Variants in ZNF18 observed in about 807,000 individuals in gnomAD.
ZNF18 encodes heart development-specific gene 1 protein.
ZNF18 carries 42 observed loss-of-function variants against 58.1 expected under a neutral mutation model. The observed-to-expected ratio is 0.72, with a 90% confidence interval of 0.56 to 0.93. The LOEUF (loss-of-function observed/expected upper bound fraction) is 0.93. ZNF18 is among the 40% of genes least tolerant of loss of function. The probability of loss-of-function intolerance (pLI) is 0.00; values close to 1 mark genes in which losing one functional copy is unlikely to be tolerated. For synonymous variants in ZNF18, 231 were observed against 239.8 expected, an observed-to-expected ratio of 0.96 and a Z score of 0.34; for missense variants, 540 against 644.2, an observed-to-expected ratio of 0.84 and a Z score of 1.75.
the ZNF18 span, among the ~76,000 whole-genome samples, chr17:12,008,504 C>T: frequency 6.6e-6 from 1 of 152,136 alleles, no homozygotes; most frequent in African/African-American, 2.4e-5. Flanking sequence ...CCAGCTTTGA[C>T]CATCCCTTTA....
In ZNF18 at chr17:11,984,201, G is replaced by GAA. The variant is rs34299203; in HGVS notation, c.667-6_667-5dup. 2.0e-4 allele frequency: 289 copies of GAA among 1,475,440 alleles called. No individual in the cohort carries two copies. Among genetic ancestry groups the GAA allele is most frequent in the South Asian group, 4.6e-4 (37 of 79,646 alleles). 91.4% of individuals were successfully genotyped at this position (1,475,440 alleles called of 1,614,324 possible). A position where few individuals can be genotyped will look rare whatever the true frequency, so the allele number is the denominator to read the frequency against. ...AATCCAGTTGTCTCCACTGTTCCTG[G>GAA]AAAAAAAAAAAAAAAAGCAATACAA... On this transcript the variant is annotated splice_region_variant and splice_polypyrimidine_tract_variant and intron_variant, in intron 4 of 6. Coordinates refer to ENST00000580306, the MANE Select transcript of ZNF18 (RefSeq NM_001303281.2).
intron 4 of ZNF18, among the ~76,000 whole-genome samples, chr17:11,988,991 T>C (rs917312565): frequency 1.3e-5 from 2 of 151,940 alleles, no homozygotes; most frequent in Non-Finnish European, 2.9e-5. Flanking sequence ...AAACCCCATC[T>C]CTACTAAAAA....
At chr17:12,013,156 T>C in the ZNF18 span, among the ~76,000 whole-genome samples, 20 of 152,134 alleles carry the variant, frequency 1.3e-4, no homozygotes, top group African/African-American at 4.6e-4. Context: ...TTCACCGTGT[T>C]AGCTGGGAGG....
At chr17:12,021,365 G>C in the ZNF18 span, 2 of 156,212 alleles carry the variant, frequency 1.3e-5, no homozygotes, top group South Asian at 2.0e-4. Flanking sequence ...GCGCCGGCTC[G>C]GGGCTGCGGC....
At chr17:12,021,005 A>G in the ZNF18 span, 1 of 1,207,960 alleles carries the variant, frequency 8.3e-7, no homozygotes, top group South Asian at 4.1e-5. Context: ...ATGCAGGGTA[A>G]GGAACGCGGC....
the ZNF18 span, among the ~76,000 whole-genome samples, chr17:12,008,168 T>G: frequency 6.6e-6 from 1 of 152,208 alleles, no homozygotes; most frequent in Non-Finnish European, 1.5e-5. Context: ...TGCATTCATT[T>G]AAGCTTACAG....
At position 11,992,689 on chromosome 17, in the gene ZNF18, G is replaced by C; in HGVS notation, c.141C>G (p.Phe47Leu). 6.2e-7 allele frequency: 1 copy of C among 1,614,242 alleles called. No homozygotes were observed. Residue 47 changes from phenylalanine to leucine, a missense_variant, in exon 2 of 7, where the codon TTC (phenylalanine) becomes TTG (leucine). Phe to Leu is a conservative substitution (Grantham distance 22, BLOSUM62 0). Coordinates refer to ENST00000580306, the MANE Select transcript of ZNF18 (RefSeq NM_001303281.2). Reference protein sequence around the residue: ...PETARQLFRQFRYQVMSGPHE... With the variant: ...PETARQLFRQLRYQVMSGPHE... Reference sequence around the variant, plus strand: ...GAGGCCCAGACATCACCTGGTAACGGAACTGCCTGAAAAGCTGGCGTGCGG... The same window carrying C: ...GAGGCCCAGACATCACCTGGTAACGCAACTGCCTGAAAAGCTGGCGTGCGG...
At chr17:11,993,298 A>T (rs1968252253) in intron 1 of ZNF18, among the ~76,000 whole-genome samples, 1 of 152,188 alleles carries the variant, frequency 6.6e-6, no homozygotes, top group African/African-American at 2.4e-5. Flanking sequence ...AAAAGATATT[A>T]ATGCCCTAGG....
upstream of ZNF18, among the ~76,000 whole-genome samples, chr17:11,998,048 C>G (rs1370917646): frequency 7.8e-6 from 1 of 128,932 alleles, no homozygotes; most frequent in Non-Finnish European, 1.7e-5. Flanking sequence ...ACCTGCGTCT[C>G]TCTCTCTTCT....
the ZNF18 span, chr17:12,021,330 C>T: frequency 5.9e-6 from 1 of 169,678 alleles, no homozygotes; most frequent in African/African-American, 2.4e-5. Flanking sequence ...TACCTGGCGC[C>T]CGCCCGGCCC....
chr17:12,020,372 G>A, the ZNF18 span, among the ~76,000 whole-genome samples: 1 of 152,278 alleles, frequency 6.6e-6, no homozygotes, highest in African/African-American at 2.4e-5. Flanking sequence ...AAGTGTAGAG[G>A]GTTGGGGTAT....
chr17:12,002,924 G>A, the ZNF18 span, among the ~76,000 whole-genome samples: 1 of 152,090 alleles, frequency 6.6e-6, no homozygotes, highest in Non-Finnish European at 1.5e-5. Context: ...ACAAGGAAGG[G>A]AGACCAGAAC....
At chr17:12,004,448 C>T in the ZNF18 span, among the ~76,000 whole-genome samples, 1 of 152,084 alleles carries the variant, frequency 6.6e-6, no homozygotes, top group African/African-American at 2.4e-5. Flanking sequence ...ATAATGCAGG[C>T]ACATGTAAAC....
the ZNF18 span, among the ~76,000 whole-genome samples, chr17:12,018,678 G>T: frequency 6.6e-6 from 1 of 152,262 alleles, no homozygotes; most frequent in South Asian, 2.1e-4. Context: ...ATAAGAAAAA[G>T]TTAAAAAGCT....
upstream of ZNF18, among the ~76,000 whole-genome samples, chr17:12,001,285 G>A (rs139525240): frequency 0.011 from 1,738 of 152,272 alleles, 21 homozygotes; most frequent in Non-Finnish European, 0.017. Context: ...TAAACAAGAG[G>A]AGTAAGTTTT....
the ZNF18 span, among the ~76,000 whole-genome samples, chr17:12,010,067 C>T: frequency 6.6e-6 from 1 of 151,592 alleles, no homozygotes; most frequent in Non-Finnish European, 1.5e-5. Flanking sequence ...TGGTGCCTGT[C>T]GAGAATAGAT....
intron 4 of ZNF18, among the ~76,000 whole-genome samples, chr17:11,985,949 T>C (rs768722527): frequency 3.3e-5 from 5 of 152,160 alleles, no homozygotes; most frequent in East Asian, 1.9e-4. Flanking sequence ...GTACACAATA[T>C]ACTGTTTGGG....
In ZNF18 at chr17:11,989,527, A is replaced by C. The variant is rs530098443; in HGVS notation, c.666+935T>G. On this transcript the variant is annotated intron_variant, in intron 4 of 6. Coordinates refer to ENST00000580306, the MANE Select transcript of ZNF18 (RefSeq NM_001303281.2). The stretch of plus-strand genomic sequence containing the variant: ...ATTGAACACATTAAGTATAGACATG[A>C]AAGATACAATAAAGCCCCAAATCAA... 3.9e-5 allele frequency among the ~76,000 whole-genome samples: 6 copies of C among 152,338 alleles called. No individual in the cohort carries two copies. In the South Asian group the frequency reaches 6.2e-4, roughly 16 times the overall value.
chr17:12,017,114 C>T, the ZNF18 span, among the ~76,000 whole-genome samples: 1 of 151,646 alleles, frequency 6.6e-6, no homozygotes, highest in Admixed American at 6.6e-5. Context: ...ATGAGAATAA[C>T]GTGAACCTGG....
Sources: allele counts gnomAD v4.1 joint callset (sites outside exome capture counted in the v4.1 genomes callset), GRCh38; gene constraint gnomAD v4.1.1; transcripts MANE v1.5; gene names NCBI Gene and HGNC (gene_info 2026-07-23, HGNC 2026-07-21).